INPP5F: variants seen among roughly 807,000 people sequenced by gnomAD.
INPP5F encodes inositol polyphosphate-5-phosphatase F, also known as phosphatidylinositide 4-phosphatase SAC2.
A neutral mutation model predicts 137.2 loss-of-function variants in INPP5F; 97 were observed. The observed-to-expected ratio is 0.71, with a 90% CI of 0.60 to 0.84. The LOEUF is 0.84. Ranked by LOEUF, INPP5F falls within the 40% of genes least tolerant of loss-of-function variation. The pLI is 0.00. For synonymous variants in INPP5F, 504 were observed against 476.9 expected, an observed-to-expected ratio of 1.06 and a Z score of -0.74; for missense variants, 1,271 against 1,371.9, an observed-to-expected ratio of 0.93 and a Z score of 1.16.
At chr10:119,772,654 C>G (rs1271156634) in intron 2 of INPP5F, among the ~76,000 whole-genome samples, 3 of 152,134 alleles carry the variant, frequency 2.0e-5, no homozygotes, top group Non-Finnish European at 4.4e-5. Flanking sequence ...TTATTTTTAG[C>G]AATTAGCTCA....
intron 2 of INPP5F, among the ~76,000 whole-genome samples, chr10:119,759,253 T>A (rs1281870818): frequency 6.6e-6 from 1 of 152,228 alleles, no homozygotes; most frequent in Non-Finnish European, 1.5e-5. Context: ...ACTCCTGGGC[T>A]CAAGCAGTCT....
chr10:119,778,731 G>A (rs539256818), intron 2 of INPP5F, among the ~76,000 whole-genome samples: 1 of 152,236 alleles, frequency 6.6e-6, no homozygotes, highest in African/African-American at 2.4e-5. Flanking sequence ...AGTGCATACG[G>A]TTCTTTTTGT....
At chr10:119,821,084 C>A (rs960032457) in intron 16 of INPP5F, among the ~76,000 whole-genome samples, 167 bp downstream of exon 16, 8 of 151,958 alleles carry the variant, frequency 5.3e-5, no homozygotes, top group African/African-American at 1.9e-4. Flanking sequence ...ATTCTAACTT[C>A]CTTTTATCTT....
intron 3 of INPP5F, among the ~76,000 whole-genome samples, chr10:119,782,835 A>T (rs1351549958): frequency 6.6e-6 from 1 of 152,160 alleles, no homozygotes; most frequent in Admixed American, 6.5e-5. Context: ...GTAACAGCAA[A>T]GCACACACTG....
intron 2 of INPP5F, among the ~76,000 whole-genome samples, chr10:119,757,136 A>G (rs1416107051): frequency 1.3e-5 from 2 of 152,010 alleles, no homozygotes; most frequent in Non-Finnish European, 2.9e-5. Context: ...GTGCAGTGGC[A>G]CAATCTTGGC....
intron 1 of INPP5F, among the ~76,000 whole-genome samples, chr10:119,744,772 CT>C (rs1435701272): frequency 6.6e-6 from 1 of 152,132 alleles, no homozygotes; most frequent in African/African-American, 2.4e-5. Flanking sequence ...TCTCACACCC[CT>C]GACCTCAAGT....
At chr10:119,738,083 C>T (rs1848266581) in intron 1 of INPP5F, among the ~76,000 whole-genome samples, 1 of 152,034 alleles carries the variant, frequency 6.6e-6, no homozygotes, top group Non-Finnish European at 1.5e-5. Context: ...AAGAGGAGGG[C>T]ATATGAAAAT....
chr10:119,776,863 A>G (rs910970764), intron 2 of INPP5F, among the ~76,000 whole-genome samples: 19 of 151,982 alleles, frequency 1.3e-4, no homozygotes, highest in African/African-American at 3.6e-4. Flanking sequence ...TGATCCTCCC[A>G]CCTCAGCCTC....
chr10:119,745,446 A>C (rs1289919256), intron 1 of INPP5F, among the ~76,000 whole-genome samples: 3 of 150,718 alleles, frequency 2.0e-5, no homozygotes, highest in Non-Finnish European at 4.4e-5. Flanking sequence ...TCTTACTCCC[A>C]ATCTCCACCT....
intron 2 of INPP5F, among the ~76,000 whole-genome samples, chr10:119,773,276 C>G (rs999933584): frequency 6.6e-6 from 1 of 152,048 alleles, no homozygotes; most frequent in South Asian, 2.1e-4. Context: ...AGGCTAGGCT[C>G]AAACTCCTGG....
In INPP5F at chr10:119,796,925, G is replaced by A. The variant is rs749003085; in HGVS notation, c.868+12G>A. 6 of 1,606,110 alleles carry A rather than the reference G, an allele frequency of 3.7e-6. No individual in the cohort carries two copies. The Admixed American group carries it at 1.0e-4, about 27-fold the overall frequency. On this transcript the variant is annotated intron_variant, in intron 7 of 19. Coordinates refer to ENST00000650623, the MANE Select transcript of INPP5F (RefSeq NM_014937.4). Reference sequence around the variant, plus strand: ...TAGGCACAGAGCAGGTGAGTGGAGGGCTGTAATAGCATTCAAATCAAATCC... The same window carrying A: ...TAGGCACAGAGCAGGTGAGTGGAGGACTGTAATAGCATTCAAATCAAATCC...
chr10:119,796,223 A>G (rs573464123), intron 6 of INPP5F, among the ~76,000 whole-genome samples: 2 of 152,312 alleles, frequency 1.3e-5, no homozygotes, highest in South Asian at 4.1e-4. Flanking sequence ...TCTAAGCCAG[A>G]AAATAAAGCC....
chr10:119,789,775 C>A (rs558457390), intron 3 of INPP5F, among the ~76,000 whole-genome samples: 1 of 151,712 alleles, frequency 6.6e-6, no homozygotes, highest in Non-Finnish European at 1.5e-5. Context: ...TGGATGAAAT[C>A]ACTGAGGGAG....
At chr10:119,736,357 G>T (rs1416067919) in intron 1 of INPP5F, among the ~76,000 whole-genome samples, 4 of 152,020 alleles carry the variant, frequency 2.6e-5, no homozygotes, top group Non-Finnish European at 5.9e-5. Flanking sequence ...ATAGAGATGG[G>T]TTCTCACTAT....
At chr10:119,808,261 G>C (rs2134249689) in intron 13 of INPP5F, among the ~76,000 whole-genome samples, 1 of 152,310 alleles carries the variant, frequency 6.6e-6, no homozygotes, top group Middle Eastern at 3.4e-3. Context: ...GGGCTGTGTG[G>C]GCCTGAGGAG....
chr10:119,811,940 T>C lies in INPP5F; in HGVS notation c.1871T>C (p.Ile624Thr), dbSNP rs1457638274. 4 of 1,613,986 alleles carry C rather than the reference T, an allele frequency of 2.5e-6. No homozygotes were observed. Among genetic ancestry groups the C allele is most frequent in the Admixed American group, 3.3e-5 (2 of 60,010 alleles). ...AAGTTCCATGGGGGCTGGGCCCTCATTGACTGTGACCCTAGGTGAGTTGGA... is the reference window on the plus strand; with the variant it reads ...AAGTTCCATGGGGGCTGGGCCCTCACTGACTGTGACCCTAGGTGAGTTGGA... Reference protein sequence around the residue: ...DEKFHGGWALIDCDPSLIDAT... With the variant: ...DEKFHGGWALTDCDPSLIDAT... Residue 624 changes from isoleucine (I) to threonine (T), a missense_variant, in exon 15 of 20, where the codon ATT becomes ACT. Ile to Thr is a moderately conservative substitution (Grantham distance 89). Around this residue, in one of 6 missense-constraint regions of INPP5F, gnomAD observed 593 missense variants for 712.4 expected, o/e 0.83. Transcript: ENST00000650623.
intron 2 of INPP5F, among the ~76,000 whole-genome samples, chr10:119,764,020 C>T (rs1849082646): frequency 6.6e-6 from 1 of 152,194 alleles, no homozygotes; most frequent in Non-Finnish European, 1.5e-5. Flanking sequence ...CTTCACGGTT[C>T]ATGTTTTCTA....
intron 1 of INPP5F, among the ~76,000 whole-genome samples, chr10:119,747,971 T>A (rs766957872): frequency 6.6e-6 from 1 of 152,248 alleles, no homozygotes; most frequent in African/African-American, 2.4e-5. Context: ...GACACTTCTG[T>A]GGCCAGTGGC....
chr10:119,817,421 G>C (rs1233619955), intron 15 of INPP5F, among the ~76,000 whole-genome samples: 1 of 152,154 alleles, frequency 6.6e-6, no homozygotes, highest in Non-Finnish European at 1.5e-5. Context: ...CAGTGGCCAC[G>C]CCGTTTTACG....
Sources: gnomAD v4.1 joint callset for allele counts (sites outside exome capture counted in the v4.1 genomes callset) on GRCh38, gnomAD v4.1.1 for gene constraint, gnomAD v4.1.1 regional missense constraint, MANE v1.5 for transcripts, NCBI Gene and HGNC (gene_info 2026-07-23, HGNC 2026-07-21) for gene names.